The following TRAPPC9 variants were observed in gnomAD, a reference collection of about 807,000 sequenced individuals.
The protein encoded by TRAPPC9 is IKK2 binding protein.
TRAPPC9 carries 83 observed loss-of-function variants against 124.0 expected under a neutral mutation model. That is an observed-to-expected ratio of 0.67 (90% CI 0.56 to 0.80). The LOEUF is 0.80. Among genes scored for constraint, TRAPPC9 ranks in the 30% least tolerant of loss-of-function variants. The pLI is 0.00. For missense variants in TRAPPC9, 1,302 were observed against 1,508.3 expected (o/e 0.86, Z 2.27); for synonymous variants, 638 against 617.5 (o/e 1.03, Z -0.49).
intron 17 of TRAPPC9, among the ~76,000 whole-genome samples, chr8:140,072,128 A>C (rs1246354293): frequency 6.6e-6 from 1 of 152,216 alleles, no homozygotes; most frequent in Non-Finnish European, 1.5e-5. Flanking sequence ...CTGTATCTTT[A>C]TTTTGTTGGT....
At chr8:140,272,126 G>GCGA (rs1554657963) in intron 15 of TRAPPC9, among the ~76,000 whole-genome samples, 65 of 146,786 alleles carry the variant, frequency 4.4e-4, no homozygotes, top group African/African-American at 1.6e-3. Context: ...AATGGTGATG[G>GCGA]TGGCGATGGT....
At chr8:139,822,147 T>G (rs1207556810) in intron 21 of TRAPPC9, among the ~76,000 whole-genome samples, 3 of 152,152 alleles carry the variant, frequency 2.0e-5, no homozygotes, top group Non-Finnish European at 4.4e-5. Flanking sequence ...GGCGCTGAGC[T>G]GGGCCAGCTG....
intron 21 of TRAPPC9, among the ~76,000 whole-genome samples, chr8:139,769,839 G>A (rs11985289): frequency 0.2 from 30,390 of 152,088 alleles, 5,639 homozygotes; most frequent in African/African-American, 0.5. Context: ...TGCTTAAAAA[G>A]AAGAAGAAAT....
intron 15 of TRAPPC9, among the ~76,000 whole-genome samples, chr8:140,272,141 G>GTGA (rs2064935805): frequency 6.6e-6 from 1 of 151,268 alleles, no homozygotes; most frequent in African/African-American, 2.4e-5. Flanking sequence ...GATGGTGATG[G>GTGA]TGATGGTGGT....
At chr8:139,768,556 C>T (rs565735332) in intron 21 of TRAPPC9, among the ~76,000 whole-genome samples, 23 of 152,354 alleles carry the variant, frequency 1.5e-4, no homozygotes, top group African/African-American at 5.5e-4. Flanking sequence ...TTAGTGGTCA[C>T]CATCTCTGGA....
chr8:139,901,615 A>G (rs1024239165), intron 20 of TRAPPC9, among the ~76,000 whole-genome samples: 3 of 152,238 alleles, frequency 2.0e-5, no homozygotes, highest in Non-Finnish European at 2.9e-5. Flanking sequence ...AAATGGACAG[A>G]GCTCTGCATG....
intron 16 of TRAPPC9, among the ~76,000 whole-genome samples, chr8:140,239,315 A>G (rs1318996912): frequency 2.0e-5 from 3 of 152,156 alleles, no homozygotes; most frequent in Admixed American, 2.0e-4. Flanking sequence ...GAGCCTAGGA[A>G]CAAAGTGTAA....
intron 1 of TRAPPC9, among the ~76,000 whole-genome samples, chr8:140,452,168 C>G (rs2071485927): frequency 1.3e-5 from 2 of 149,466 alleles, no homozygotes; most frequent in Admixed American, 1.3e-4. Flanking sequence ...CACCTGTAAT[C>G]CCAGCACTTT....
intron 14 of TRAPPC9, among the ~76,000 whole-genome samples, chr8:140,282,107 T>C (rs965208726): frequency 1.3e-5 from 2 of 152,192 alleles, no homozygotes; most frequent in Non-Finnish European, 2.9e-5. Context: ...AAAGGGTCTA[T>C]TGAACACATG....
chr8:140,121,738 C>G (rs1194777727), intron 17 of TRAPPC9, among the ~76,000 whole-genome samples: 5 of 152,214 alleles, frequency 3.3e-5, no homozygotes. Context: ...TTCACCATCA[C>G]TTATTAAAGG....
chr8:140,365,967 A>C (rs915591470), intron 8 of TRAPPC9, among the ~76,000 whole-genome samples: 5 of 152,026 alleles, frequency 3.3e-5, no homozygotes, highest in Non-Finnish European at 7.4e-5. Context: ...ATTCCCCTCT[A>C]TGTGGCCATG....
At chr8:140,085,817 T>G (rs527953517) in intron 17 of TRAPPC9, among the ~76,000 whole-genome samples, 2 of 152,320 alleles carry the variant, frequency 1.3e-5, no homozygotes, top group South Asian at 4.1e-4. Flanking sequence ...CCACAGCCTA[T>G]CTCTGTCAAC....
intron 19 of TRAPPC9, among the ~76,000 whole-genome samples, chr8:139,920,632 CT>C (rs1832448202): frequency 6.6e-6 from 1 of 152,188 alleles, no homozygotes; most frequent in East Asian, 1.9e-4. Flanking sequence ...GGAAAATCAA[CT>C]GTTTTGAAGT....
intron 17 of TRAPPC9, among the ~76,000 whole-genome samples, chr8:140,070,100 G>C (rs1384928760): frequency 1.3e-5 from 2 of 152,228 alleles, no homozygotes. Context: ...ACACCCAGCG[G>C]CAACGCGTTA....
chr8:140,313,477 C>T (rs1000445977), intron 9 of TRAPPC9, among the ~76,000 whole-genome samples: 5 of 152,176 alleles, frequency 3.3e-5, no homozygotes, highest in African/African-American at 1.2e-4. Context: ...GCTGCTTCAC[C>T]GCAGCGTGGT....
intron 7 of TRAPPC9, among the ~76,000 whole-genome samples, chr8:140,393,993 G>A (rs548145419): frequency 6.6e-6 from 1 of 152,150 alleles, no homozygotes; most frequent in Non-Finnish European, 1.5e-5. Flanking sequence ...TTCCCCTTTC[G>A]CCGTGTCTTT....
chr8:140,350,692 G>A (rs1165142304), intron 9 of TRAPPC9, among the ~76,000 whole-genome samples: 1 of 152,070 alleles, frequency 6.6e-6, no homozygotes, highest in African/African-American at 2.4e-5. Context: ...GTTCAAGATC[G>A]CCCAGGAACA....
intron 5 of TRAPPC9, among the ~76,000 whole-genome samples, chr8:140,417,209 A>G (rs780949082): frequency 3.3e-5 from 5 of 152,208 alleles, no homozygotes; most frequent in Non-Finnish European, 7.3e-5. Context: ...CAAAATTGAG[A>G]AATGGGATCT....
chr8:140,414,295 A>C (rs1051684664), intron 5 of TRAPPC9, among the ~76,000 whole-genome samples: 1 of 152,222 alleles, frequency 6.6e-6, no homozygotes, highest in Non-Finnish European at 1.5e-5. Context: ...GCACTTTGGG[A>C]GGCTAAGGCA....
Sources: gnomAD v4.1 joint callset for allele counts (sites outside exome capture counted in the v4.1 genomes callset) on GRCh38, gnomAD v4.1.1 for gene constraint, MANE v1.5 for transcripts, NCBI Gene and HGNC (gene_info 2026-07-23, HGNC 2026-07-21) for gene names.